The following ZNF585A variants were observed in gnomAD, a reference collection of about 807,000 sequenced individuals.
The protein encoded by ZNF585A is zinc finger protein 585A.
ZNF585A carries 9 observed loss-of-function variants against 14.9 expected under a neutral mutation model. The ratio of observed to expected loss-of-function variants is 0.60; its 90% CI spans 0.36 to 1.05. ZNF585A has a LOEUF of 1.05. ZNF585A is among the 50% of genes least tolerant of loss of function. The pLI is 0.01. For synonymous variants in ZNF585A, 276 were observed against 319.9 expected, an observed-to-expected ratio of 0.86 and a Z score of 1.46; for missense variants, 726 against 926.4, an observed-to-expected ratio of 0.78 and a Z score of 2.81.
rs889108809 is a variant in ZNF585A, at chr19:37,148,819, T to A, written c.*2770A>T. ...CAGACGATGGAACATAATTTGGCTC[T>A]AAAAAGAAATGCATTATCAAGCCAT... On this transcript the variant is annotated 3_prime_UTR_variant, in exon 5 of 5. Coordinates refer to ENST00000292841, the MANE Select transcript of ZNF585A (RefSeq NM_001288800.2). 1 of 152,124 alleles carries A rather than the reference T, an allele frequency of 6.6e-6. No individual in the cohort carries two copies. Among genetic ancestry groups the A allele is most frequent in the Non-Finnish European group, 1.5e-5 (1 of 68,014 alleles). 9.4% of individuals were successfully genotyped at this position (152,124 alleles called of 1,614,324 possible).
chr19:37,159,415 A>G (rs1207970659), intron 2 of ZNF585A, among the ~76,000 whole-genome samples: 1 of 152,178 alleles, frequency 6.6e-6, no homozygotes, highest in Non-Finnish European at 1.5e-5. Context: ...CTCCAAATTA[A>G]AAAATCTAAC....
At chr19:37,170,733 C>T (rs1009740277) in intron 1 of ZNF585A, among the ~76,000 whole-genome samples, 2 of 152,220 alleles carry the variant, frequency 1.3e-5, no homozygotes, top group East Asian at 3.9e-4. Flanking sequence ...CTCTGCCTCC[C>T]AAAGTGCTGG....
chr19:37,169,435 TAA>T (rs749236930), intron 2 of ZNF585A, among the ~76,000 whole-genome samples: 27 of 96,354 alleles, frequency 2.8e-4, no homozygotes, highest in East Asian at 5.8e-4. Context: ...AACAGAAATG[TAA>T]AAAAAAAAAA....
At chr19:37,156,501 A>T (rs1971933761) in intron 2 of ZNF585A, 146 bp from the exon 3 acceptor site, 1 of 1,159,578 alleles carries the variant, frequency 8.6e-7, no homozygotes, top group Non-Finnish European at 1.2e-6. Flanking sequence ...ATACTTTATT[A>T]TGAAAATTTT....
rs1330375458 is a variant in ZNF585A at position 37,153,444 on chromosome 19, A to G, written c.455T>C (p.Leu152Pro). ...GCATACATAGAGCTTTTCTCCTGCA[A>G]GAACTTTCAGGTGTACTTTGAGCTG... is the stretch of plus-strand genomic sequence containing the variant. The part of the protein sequence containing the change: ...KSQLKVHLKV[L>P]AGEKLYVCIE... The change falls in exon 5 of 5, where the codon CTT becomes CCT. Residue 152 changes from leucine to proline, a missense_variant. By Grantham distance (98) the Leu-to-Pro change is moderately conservative (BLOSUM62 -3). Coordinates refer to ENST00000292841, the MANE Select transcript of ZNF585A (RefSeq NM_001288800.2). The G allele has an allele frequency of 5.6e-6, 9 of 1,614,214 alleles. No homozygotes were observed. The highest frequency in any genetic ancestry group is 7.6e-6 in the Non-Finnish European group (9 of 1,180,028).
intron 2 of ZNF585A, among the ~76,000 whole-genome samples, chr19:37,165,144 G>A (rs1382012915): frequency 2.0e-5 from 3 of 151,958 alleles, no homozygotes; most frequent in South Asian, 2.1e-4. Flanking sequence ...GGTGGATCAC[G>A]AGGTCAAAGT....
At position 37,150,856 on chromosome 19, in the gene ZNF585A, G is replaced by C. The variant is rs887371662; in HGVS notation, c.*733C>G. The C allele has an allele frequency of 1.9e-5, 3 of 155,030 alleles. No homozygotes were observed. Among genetic ancestry groups the C allele is most frequent in the Non-Finnish European group, 4.4e-5 (3 of 68,320 alleles). The allele number at this position is 155,030 out of a possible 1,614,324, so 9.6% of individuals were successfully genotyped here. The stretch of plus-strand genomic sequence containing the variant: ...TTACCTCGGAAGCTTTCTTGAAGGT[G>C]ATGGGAGTTCACAAGACACGGTGCT... On this transcript the variant is annotated 3_prime_UTR_variant, in exon 5 of 5. Coordinates refer to ENST00000292841, the MANE Select transcript of ZNF585A (RefSeq NM_001288800.2).
intron 2 of ZNF585A, among the ~76,000 whole-genome samples, chr19:37,165,038 G>T (rs1439135625): frequency 6.6e-6 from 1 of 152,186 alleles, no homozygotes; most frequent in Non-Finnish European, 1.5e-5. Flanking sequence ...GGTATTTAAA[G>T]ATTTGGTGGG....
intron 4 of ZNF585A, among the ~76,000 whole-genome samples, chr19:37,155,069 C>T (rs961461660): frequency 4.8e-5 from 7 of 147,168 alleles, no homozygotes; most frequent in African/African-American, 1.3e-4. Context: ...GGCGCGATCT[C>T]GGCTCACTGC....
chr19:37,165,769 T>G (rs1355875163), intron 2 of ZNF585A: 1 of 435,374 alleles, frequency 2.3e-6, no homozygotes, highest in Non-Finnish European at 3.1e-6. Flanking sequence ...TACCCAAAAC[T>G]TCAGCATAAT....
chr19:37,169,863 T>C lies in ZNF585A; in HGVS notation c.48A>G (p.Pro16=). ...CCTCATAGGAGCTGCCATGATCCTCTGGAGCCAGGGCTGAGGATTTCTGAG... is the reference window on the plus strand; with the variant it reads ...CCTCATAGGAGCTGCCATGATCCTCCGGAGCCAGGGCTGAGGATTTCTGAG... The part of the protein sequence containing the change: ...TSPQKSSALA[P]EDHGSSYEGS... The change falls in exon 2 of 5, where the codon CCA becomes CCG. Residue 16 remains proline (P), a synonymous_variant. Transcript: ENST00000292841. The C allele has an allele frequency of 2.5e-6, 4 of 1,613,298 alleles. No homozygotes were observed. Among genetic ancestry groups the C allele is most frequent in the Non-Finnish European group, 2.5e-6 (3 of 1,180,014 alleles).
intron 2 of ZNF585A, among the ~76,000 whole-genome samples, chr19:37,163,461 A>G (rs2145411114): frequency 6.6e-6 from 1 of 150,392 alleles, no homozygotes; most frequent in South Asian, 2.1e-4. Context: ...AAAAAAAAGC[A>G]ACACAAAAAT....
chr19:37,163,445 T>TAAAAAAAAAAAAAGAAAAAAAAA (rs1972040643), intron 2 of ZNF585A, among the ~76,000 whole-genome samples: 2 of 117,250 alleles, frequency 1.7e-5, no homozygotes, highest in Admixed American at 8.3e-5. Context: ...AGTAAAAAAG[T>TAAAAAAAAAAAAAGAAAAAAAAA]AAAAAAAAAA....
At chr19:37,168,705 C>T (rs1674953479) in intron 2 of ZNF585A, among the ~76,000 whole-genome samples, 1 of 152,086 alleles carries the variant, frequency 6.6e-6, no homozygotes, top group African/African-American at 2.4e-5. Context: ...TGACTAAAAC[C>T]AGAAATGAAA....
chr19:37,154,665 G>T (rs1971893720), intron 4 of ZNF585A, among the ~76,000 whole-genome samples: 1 of 98,460 alleles, frequency 1.0e-5, no homozygotes, highest in African/African-American at 6.2e-5. Context: ...TTAAGTAACA[G>T]TGACCCCCAA....
In ZNF585A at chr19:37,146,870, G is replaced by C. The variant is rs1368673854; in HGVS notation, c.*4719C>G. 1 of 152,570 alleles carries C rather than the reference G, an allele frequency of 6.6e-6. No individual in the cohort carries two copies. The highest frequency in any genetic ancestry group is 1.5e-5 in the Non-Finnish European group (1 of 68,418). The allele number at this position is 152,570 out of a possible 1,614,324, so 9.5% of individuals were successfully genotyped here. A position where few individuals can be genotyped will look rare whatever the true frequency, so the allele number is the denominator to read the frequency against. On this transcript the variant is annotated 3_prime_UTR_variant, in exon 5 of 5. Coordinates refer to ENST00000292841, the MANE Select transcript of ZNF585A (RefSeq NM_001288800.2). ...CTGCCCTGACATGGAGTTAGAGCTGGGTGTGCTGGACCATGGTGGGAGGAG... is the reference window on the plus strand; with the variant it reads ...CTGCCCTGACATGGAGTTAGAGCTGCGTGTGCTGGACCATGGTGGGAGGAG...
Position 37,151,026 on chromosome 19 carries a change from CTT to C in ZNF585A, c.*561_*562del, listed in dbSNP as rs202081603. On this transcript the variant is annotated 3_prime_UTR_variant, in exon 5 of 5. Coordinates refer to ENST00000292841, the MANE Select transcript of ZNF585A (RefSeq NM_001288800.2). Reference sequence around the variant, plus strand: ...ACGTCTGTATACATAAAGGTTTTTTCTTTTTTTTTTTGTAGCATCTCTTTCTT... The same window carrying C: ...ACGTCTGTATACATAAAGGTTTTTTCTTTTTTTTTGTAGCATCTCTTTCTT... 1.6e-4 allele frequency: 31 copies of C among 197,090 alleles called. No individual in the cohort carries two copies. The highest frequency in any genetic ancestry group is 2.4e-4 in the Non-Finnish European group (24 of 99,226). 12.2% of individuals were successfully genotyped at this position (197,090 alleles called of 1,614,324 possible). A position where few individuals can be genotyped will look rare whatever the true frequency, so the allele number is the denominator to read the frequency against.
At chr19:37,164,919 C>T (rs1271445828) in intron 2 of ZNF585A, among the ~76,000 whole-genome samples, 6 of 152,172 alleles carry the variant, frequency 3.9e-5, no homozygotes, top group South Asian at 2.1e-4. Context: ...GCAATCCTCC[C>T]GCCTCAGTCT....
At chr19:37,170,449 C>A (rs566139737) in intron 1 of ZNF585A, among the ~76,000 whole-genome samples, 10 of 152,342 alleles carry the variant, frequency 6.6e-5, no homozygotes, top group African/African-American at 2.4e-4. Flanking sequence ...CAGATTTGAA[C>A]TGCAGCTCTG....
Sources: gnomAD v4.1 joint callset for allele counts (sites outside exome capture counted in the v4.1 genomes callset) on GRCh38, gnomAD v4.1.1 for gene constraint, MANE v1.5 for transcripts, NCBI Gene and HGNC (gene_info 2026-07-23, HGNC 2026-07-21) for gene names.